Variants in TSNARE1 observed in about 807,000 individuals in gnomAD.
TSNARE1 encodes t-SNARE domain-containing protein 1.
Under a neutral mutation model 62.0 loss-of-function variants are expected in TSNARE1, and 49 were observed. The ratio of observed to expected loss-of-function variants is 0.79; its 90% CI spans 0.63 to 1.00. The LOEUF is 1.00. TSNARE1 is among the 50% of genes least tolerant of loss of function. The probability of loss-of-function intolerance (pLI) is 0.00; values close to 1 mark genes in which losing one functional copy is unlikely to be tolerated. For synonymous variants in TSNARE1, 328 were observed against 294.4 expected, an observed-to-expected ratio of 1.11 and a Z score of -1.17; for missense variants, 755 against 700.1, an observed-to-expected ratio of 1.08 and a Z score of -0.88.
intron 12 of TSNARE1, among the ~76,000 whole-genome samples, chr8:142,272,144 CTTCT>C (rs891890995): frequency 1.6e-5 from 2 of 126,036 alleles, no homozygotes; most frequent in Non-Finnish European, 3.3e-5. Context: ...CCTCCTCTTC[CTTCT>C]ATTCATCCAT....
At chr8:142,350,624 AC>A (rs1016818120) in intron 2 of TSNARE1, among the ~76,000 whole-genome samples, 3 of 132,546 alleles carry the variant, frequency 2.3e-5, no homozygotes, top group African/African-American at 1.1e-4. Context: ...GAAAAGAAAC[AC>A]ATAATAGGTG....
chr8:142,323,979 T>G (rs1320200484), intron 6 of TSNARE1, among the ~76,000 whole-genome samples: 1 of 152,166 alleles, frequency 6.6e-6, no homozygotes, highest in African/African-American at 2.4e-5. Context: ...AGTGAACCTG[T>G]GACCCTCACC....
At chr8:142,336,412 T>C (rs899852474) in intron 4 of TSNARE1, among the ~76,000 whole-genome samples, 11 of 150,162 alleles carry the variant, frequency 7.3e-5, no homozygotes, top group Non-Finnish European at 3.0e-5. Context: ...ACAGTAATCA[T>C]AAGAAAGCTG....
chr8:142,257,543 G>C (rs557498688), intron 12 of TSNARE1, among the ~76,000 whole-genome samples: 28 of 152,282 alleles, frequency 1.8e-4, no homozygotes, highest in African/African-American at 6.7e-4. Context: ...TTCCCTGGCA[G>C]CTGCTTGGCT....
chr8:142,337,612 G>C (rs1431379096), intron 4 of TSNARE1, among the ~76,000 whole-genome samples: 1 of 152,222 alleles, frequency 6.6e-6, no homozygotes, highest in Non-Finnish European at 1.5e-5. Flanking sequence ...GCAGGCTGTG[G>C]GGCCTCCTCC....
intron 9 of TSNARE1, among the ~76,000 whole-genome samples, chr8:142,305,410 T>C (rs1826500336): frequency 1.3e-5 from 2 of 151,632 alleles, no homozygotes; most frequent in Admixed American, 6.6e-5. Context: ...CAGGCTGGGG[T>C]GCGGGCTGTG....
chr8:142,215,920 T>C (rs1815810142), intron 13 of TSNARE1, among the ~76,000 whole-genome samples: 1 of 152,148 alleles, frequency 6.6e-6, no homozygotes, highest in Non-Finnish European at 1.5e-5. Flanking sequence ...TGTGGTGCCA[T>C]GGAATTCGGG....
chr8:142,320,131 C>T (rs1441892520), intron 6 of TSNARE1, among the ~76,000 whole-genome samples: 3 of 152,172 alleles, frequency 2.0e-5, no homozygotes, highest in East Asian at 3.9e-4. Flanking sequence ...CTCGGCCTCC[C>T]GTCCCCGGCC....
At chr8:142,342,993 G>T (rs372375171) in intron 4 of TSNARE1, among the ~76,000 whole-genome samples, 1 of 148,584 alleles carries the variant, frequency 6.7e-6, no homozygotes, top group East Asian at 2.0e-4. Context: ...CCATGCCTAC[G>T]CCCTGCACCT....
At chr8:142,283,835 G>C (rs1444805576) in intron 11 of TSNARE1, among the ~76,000 whole-genome samples, 1 of 132,414 alleles carries the variant, frequency 7.6e-6, no homozygotes, top group East Asian at 2.2e-4. Context: ...GTCTGTCAAT[G>C]AGCAGAGGCA....
At chr8:142,279,610 C>T (rs1326515618) in intron 11 of TSNARE1, among the ~76,000 whole-genome samples, 3 of 152,208 alleles carry the variant, frequency 2.0e-5, no homozygotes, top group Non-Finnish European at 4.4e-5. Context: ...CAGGGAGGAC[C>T]CTGAGCTGGA....
At chr8:142,255,494 C>CCAT (rs199934390) in intron 12 of TSNARE1, among the ~76,000 whole-genome samples, 5 of 60,836 alleles carry the variant, frequency 8.2e-5, no homozygotes, top group South Asian at 1.4e-3. Context: ...ATCATCATCA[C>CCAT]CACCACCACC....
At chr8:142,286,652 G>A (rs1042372878) in intron 10 of TSNARE1, among the ~76,000 whole-genome samples, 4 of 152,216 alleles carry the variant, frequency 2.6e-5, no homozygotes, top group African/African-American at 9.7e-5. Context: ...GCCAGAGTGA[G>A]GTCACGGGTT....
intron 4 of TSNARE1, among the ~76,000 whole-genome samples, chr8:142,334,285 G>A (rs906508564): frequency 2.6e-5 from 4 of 152,136 alleles, no homozygotes; most frequent in African/African-American, 4.8e-5. Flanking sequence ...ACTCTGGTTC[G>A]GGAGGCTGCC....
chr8:142,330,655 G>A (rs548218051), intron 6 of TSNARE1, among the ~76,000 whole-genome samples: 5 of 152,344 alleles, frequency 3.3e-5, no homozygotes, highest in South Asian at 2.1e-4. Flanking sequence ...CTTCTACGTC[G>A]GGGCGGGGTG....
chr8:142,275,106 A>T (rs1252763228), intron 11 of TSNARE1: 2 of 985,266 alleles, frequency 2.0e-6, no homozygotes, highest in Non-Finnish European at 2.4e-6. Flanking sequence ...CTCAGTGCCC[A>T]CACCAGGTGG....
intron 1 of TSNARE1, among the ~76,000 whole-genome samples, chr8:142,380,452 T>G (rs1189768482): frequency 6.6e-6 from 1 of 152,146 alleles, no homozygotes; most frequent in African/African-American, 2.4e-5. Context: ...CTGAACTGCA[T>G]GGAGGGCAGA....
At chr8:142,391,538 A>G (rs1201937776) in intron 1 of TSNARE1, among the ~76,000 whole-genome samples, 1 of 152,214 alleles carries the variant, frequency 6.6e-6, no homozygotes, top group Admixed American at 6.5e-5. Flanking sequence ...CCAGACCTAG[A>G]AACTCCTTGA....
intron 1 of TSNARE1, among the ~76,000 whole-genome samples, chr8:142,359,532 C>A (rs569923208): frequency 1.2e-4 from 18 of 152,326 alleles, no homozygotes; most frequent in African/African-American, 4.3e-4. Context: ...TGTCCTTAGA[C>A]ACGGCACCGC....
Sources: allele counts gnomAD v4.1 joint callset (sites outside exome capture counted in the v4.1 genomes callset), GRCh38; gene constraint gnomAD v4.1.1; transcripts MANE v1.5; gene names NCBI Gene and HGNC (gene_info 2026-07-23, HGNC 2026-07-21).